PPIL2: variants seen among roughly 807,000 people sequenced by gnomAD.
PPIL2 encodes peptidylprolyl isomerase like 2, also known as RING-type E3 ubiquitin-protein ligase PPIL2.
In PPIL2, 50 loss-of-function variants were observed where a neutral mutation model predicts 75.2. The ratio of observed to expected loss-of-function variants is 0.66; its 90% CI spans 0.53 to 0.84. PPIL2 has a LOEUF of 0.84. PPIL2 is among the 40% of genes least tolerant of loss of function. The probability of loss-of-function intolerance (pLI) is 0.00; values close to 1 mark genes in which losing one functional copy is unlikely to be tolerated. For missense variants in PPIL2, 590 were observed against 685.0 expected (o/e 0.86, Z 1.55); for synonymous variants, 245 against 258.8 (o/e 0.95, Z 0.51).
chr22:21,682,891 C>T (rs535438840), intron 8 of PPIL2, among the ~76,000 whole-genome samples: 20 of 152,370 alleles, frequency 1.3e-4, no homozygotes, highest in Non-Finnish European at 2.2e-4. Flanking sequence ...GCCCACGTTC[C>T]GGTCCGATAG....
chr22:21,673,381 C>A (rs1420302736), intron 5 of PPIL2: 1 of 153,060 alleles, frequency 6.5e-6, no homozygotes, highest in Non-Finnish European at 1.5e-5. Context: ...AGGGAGCAGC[C>A]TGGTGGCAAG....
chr22:21,690,180 C>T lies in PPIL2; in HGVS notation c.1139+1331C>T, dbSNP rs1037120869. Among the ~76,000 whole-genome samples the T allele has an allele frequency of 4.0e-5, 6 of 151,880 alleles. 1 individual carries two copies. Among genetic ancestry groups the T allele is most frequent in the Admixed American group, 1.3e-4 (2 of 15,236 alleles). ...GGTGGATTGCCTGAGCCCAGGAATT[C>T]GAGAGCAGCCTGGGCAACATGGCAA... On this transcript the variant is annotated intron_variant, in intron 15 of 19. Coordinates refer to ENST00000398831, the MANE Select transcript of PPIL2 (RefSeq NM_014337.4).
chr22:21,670,034 A>G, intron 2 of PPIL2, 72 bp downstream of exon 2: 1 of 1,437,748 alleles, frequency 7.0e-7, no homozygotes, highest in Admixed American at 1.7e-5. Context: ...GGATACAGTG[A>G]GCTGTAAAAA....
At position 21,682,148 on chromosome 22, in the gene PPIL2, C is replaced by T. The variant is rs146520349; in HGVS notation, c.388-289C>T. Reference sequence around the variant, plus strand: ...GGGAGGAGCTTGGCAAAGCCTGCAGCGAGTGGGTGGGTGACTCGCTGAGTC... The same window carrying T: ...GGGAGGAGCTTGGCAAAGCCTGCAGTGAGTGGGTGGGTGACTCGCTGAGTC... On this transcript the variant is annotated intron_variant, in intron 7 of 19. Coordinates refer to ENST00000398831, the MANE Select transcript of PPIL2 (RefSeq NM_014337.4). Among the ~76,000 whole-genome samples the T allele has an allele frequency of 6.1e-4, 93 of 152,302 alleles. 1 individual carries two copies. The highest frequency in any genetic ancestry group is 2.1e-3 in the African/African-American group (86 of 41,560).
At chr22:21,683,102 C>A in intron 8 of PPIL2, 80 bp from the exon 9 acceptor site, 5 of 1,224,772 alleles carry the variant, frequency 4.1e-6, no homozygotes, top group Non-Finnish European at 6.1e-6. Context: ...CCTCTGACAG[C>A]TGGCCGTCCT....
intron 6 of PPIL2, among the ~76,000 whole-genome samples, chr22:21,678,520 T>A (rs1309968240): frequency 6.6e-6 from 1 of 151,808 alleles, no homozygotes; most frequent in East Asian, 1.9e-4. Flanking sequence ...CGTGAGCCAC[T>A]GCGCCCCACC....
At position 21,684,883 on chromosome 22, in the gene PPIL2, G is replaced by A. The variant is rs779635573; in HGVS notation, c.684G>A (p.Pro228=). ...TTCTGGCAGCCACCATGAAGGCCCC[G>A]GAGAAGAAGAAAGTGGACAAGCTGA... The part of the protein sequence containing the change: ...DEILAATMKA[P]EKKKVDKLNA... The change falls in exon 10 of 20, where the codon CCG becomes CCA. Residue 228 remains proline (P), a synonymous_variant. Transcript: ENST00000398831. 2.2e-5 allele frequency: 36 copies of A among 1,613,918 alleles called. 1 individual carries two copies. The South Asian group carries it at 2.6e-4, about 12-fold the overall frequency.
chr22:21,682,816 C>G (rs185359601), intron 8 of PPIL2, among the ~76,000 whole-genome samples: 1 of 152,242 alleles, frequency 6.6e-6, no homozygotes, highest in East Asian at 1.9e-4. Flanking sequence ...CTGGCTGGAG[C>G]GTGGCCTGCT....
Position 21,697,410 on chromosome 22 carries a change from G to A in PPIL2, c.*1920G>A. 5.1e-6 allele frequency: 1 copy of A among 196,318 alleles called. No individual in the cohort carries two copies. Among genetic ancestry groups the A allele is most frequent in the South Asian group, 9.6e-5 (1 of 10,380 alleles). 12.2% of individuals were successfully genotyped at this position (196,318 alleles called of 1,614,324 possible). A position where few individuals can be genotyped will look rare whatever the true frequency, so the allele number is the denominator to read the frequency against. ...CCCCATTGGTGGGGGCAGAGAAGTA[G>A]GACCAGGCCATCCTTGGCTCCAGAG... On this transcript the variant is annotated 3_prime_UTR_variant, in exon 20 of 20. Transcript: ENST00000398831.
At position 21,666,068 on chromosome 22, in the gene PPIL2, T is replaced by C; in HGVS notation, c.-32T>C. ...GTCTGAGTTGTCAGCCGTTGTTTTTTCGTGCTCGCTAGTCGCCGCCGCCGC... is the reference window on the plus strand; with the variant it reads ...GTCTGAGTTGTCAGCCGTTGTTTTTCCGTGCTCGCTAGTCGCCGCCGCCGC... On this transcript the variant is annotated 5_prime_UTR_variant, in exon 1 of 20. Coordinates refer to ENST00000398831, the MANE Select transcript of PPIL2 (RefSeq NM_014337.4). The C allele has an allele frequency of 6.2e-7, 1 of 1,610,546 alleles. No individual in the cohort carries two copies. The highest frequency in any genetic ancestry group is 8.5e-7 in the Non-Finnish European group (1 of 1,178,394).
intron 1 of PPIL2, 113 bp from the exon 2 acceptor site, chr22:21,669,800 C>T: frequency 8.7e-7 from 1 of 1,150,926 alleles, no homozygotes; most frequent in Non-Finnish European, 1.3e-6. Context: ...GTGCCCGCCC[C>T]ATAGTAGGTA....
In PPIL2 at chr22:21,696,321, A is replaced by AC; in HGVS notation, c.*834dup. On this transcript the variant is annotated 3_prime_UTR_variant, in exon 20 of 20. Coordinates refer to ENST00000398831, the MANE Select transcript of PPIL2 (RefSeq NM_014337.4). ...GTGCCCCTGTGAGAATCTTGAGGGG[A>AC]CCCACACTGGGTTGAGGCCAGTGTC... The AC allele has an allele frequency of 9.4e-7, 1 of 1,065,786 alleles. No homozygotes were observed. The highest frequency in any genetic ancestry group is 2.9e-5 in the South Asian group (1 of 34,154). The allele number at this position is 1,065,786 out of a possible 1,614,324, so 66.0% of individuals were successfully genotyped here.
rs920690317 is a variant in PPIL2 at position 21,695,807 on chromosome 22, A to G, written c.*317A>G. 10 of 1,196,964 alleles carry G rather than the reference A, an allele frequency of 8.4e-6. No individual in the cohort carries two copies. The highest frequency in any genetic ancestry group is 1.0e-5 in the Non-Finnish European group (10 of 953,666). 74.1% of individuals were successfully genotyped at this position (1,196,964 alleles called of 1,614,324 possible). On this transcript the variant is annotated 3_prime_UTR_variant, in exon 20 of 20. Transcript: ENST00000398831. Reference sequence around the variant, plus strand: ...AGTAGGCAGGCCAGGTTAGTGAGGAAGGACTGTGTCTCCAGATTGTGGTTT... The same window carrying G: ...AGTAGGCAGGCCAGGTTAGTGAGGAGGGACTGTGTCTCCAGATTGTGGTTT...
intron 15 of PPIL2, among the ~76,000 whole-genome samples, chr22:21,690,250 G>A (rs928783895): frequency 1.3e-5 from 2 of 152,130 alleles, no homozygotes; most frequent in Non-Finnish European, 2.9e-5. Context: ...GGGGCATGGT[G>A]GCGTGCGCCT....
chr22:21,695,451 G>T lies in PPIL2; in HGVS notation c.1524G>T (p.Lys508Asn), dbSNP rs368961621. ...GTGCCACTGTCCCCATGTCCAAGAA[G>T]AAGCCCAGTCGGGGTTTTGGGGACT... ...STSATVPMSK[K>N]KPSRGFGDFS... The change falls in exon 20 of 20, where the codon AAG becomes AAT. Residue 508 changes from lysine to asparagine, a missense_variant. Transcript: ENST00000398831. 4 of 1,609,740 alleles carry T rather than the reference G, an allele frequency of 2.5e-6. No homozygotes were observed. The highest frequency in any genetic ancestry group is 3.4e-6 in the Non-Finnish European group (4 of 1,177,976).
rs1478782662 is a variant in PPIL2, at chr22:21,688,932, GGT to G, written c.1139+87_1139+88del. The G allele has an allele frequency of 1.7e-5, 22 of 1,289,670 alleles. No individual in the cohort carries two copies. The African/African-American group carries it at 2.9e-4, about 17-fold the overall frequency. 79.9% of individuals were successfully genotyped at this position (1,289,670 alleles called of 1,614,324 possible). The stretch of plus-strand genomic sequence containing the variant: ...TTCTTCCTCTTGGCCCTCTCTGAAG[GGT>G]GTGCTGGTTCTGAATCATACCCAGA... On this transcript the variant is annotated intron_variant, in intron 15 of 19. Transcript: ENST00000398831.
rs368412702 is a variant in PPIL2 at position 21,692,218 on chromosome 22, C to T, written c.1140-1598C>T. On this transcript the variant is annotated intron_variant, in intron 15 of 19. Coordinates refer to ENST00000398831, the MANE Select transcript of PPIL2 (RefSeq NM_014337.4). ...TCCCCCAGGCTGGAGTGCAGCGGCGCGATCTCGGCTCACTGCAAGCTCCGC... is the reference window on the plus strand; with the variant it reads ...TCCCCCAGGCTGGAGTGCAGCGGCGTGATCTCGGCTCACTGCAAGCTCCGC... Among the ~76,000 whole-genome samples, 301 of 151,730 alleles carry T rather than the reference C, an allele frequency of 2.0e-3. 2 individuals are homozygous for T. The Middle Eastern group carries it at 0.02, about 10-fold the overall frequency.
chr22:21,678,429 C>A (rs1464446550), intron 6 of PPIL2, among the ~76,000 whole-genome samples: 10 of 152,154 alleles, frequency 6.6e-5, no homozygotes. Flanking sequence ...CGGGGTTTCA[C>A]CATGTTGGCC....
At chr22:21,668,567 T>TA (rs1413554843) in intron 1 of PPIL2, among the ~76,000 whole-genome samples, 45 of 149,598 alleles carry the variant, frequency 3.0e-4, no homozygotes, top group Non-Finnish European at 7.4e-5. Flanking sequence ...AGGTGGAGCT[T>TA]GCAGTGAGCC....
Sources: allele counts gnomAD v4.1 joint callset (sites outside exome capture counted in the v4.1 genomes callset), GRCh38; gene constraint gnomAD v4.1.1; transcripts MANE v1.5; gene names NCBI Gene and HGNC (gene_info 2026-07-23, HGNC 2026-07-21).